The following SULT2A1 variants were observed in gnomAD, a reference collection of about 807,000 sequenced individuals.
SULT2A1 encodes the protein sulfotransferase family 2A member 1.
Under a neutral mutation model 33.9 loss-of-function variants are expected in SULT2A1, and 43 were observed. The observed-to-expected ratio is 1.27, with a 90% CI of 1.00 to 1.64. The LOEUF (loss-of-function observed/expected upper bound fraction) is 1.64, where lower values mean the gene tolerates loss of function less well. SULT2A1 is among the 40% of genes most tolerant of loss of function. The probability of loss-of-function intolerance (pLI) is 0.00; values close to 1 mark genes in which losing one functional copy is unlikely to be tolerated. For missense variants in SULT2A1, 300 were observed against 335.1 expected (o/e 0.90, Z 0.82); for synonymous variants, 125 against 113.6 (o/e 1.10, Z -0.64).
rs62531056 is a variant in SULT2A1 at position 47,874,620 on chromosome 19, T to A, written c.745+37A>T. 2.1e-3 allele frequency: 3,356 copies of A among 1,581,054 alleles called. 94 individuals are homozygous for A. In the Admixed American group the frequency reaches 0.051, roughly 24 times the overall value. On this transcript the variant is annotated intron_variant, in intron 5 of 5. Coordinates refer to ENST00000222002, the MANE Select transcript of SULT2A1 (RefSeq NM_003167.4). ...TGACCATAGGCATGCATGCCGTGTA[T>A]TCTGGTATATTTGGAAACCAGAGGA...
rs754425391 is a variant in SULT2A1 at position 47,882,148 on chromosome 19, G to GT, written c.407dup (p.Asn136LysfsTer6). The GT allele has an allele frequency of 5.0e-6, 8 of 1,613,866 alleles. No individual in the cohort carries two copies. In the Admixed American group the frequency reaches 1.2e-4, roughly 24 times the overall value. On this transcript the variant is annotated frameshift_variant, in exon 3 of 6. Transcript: ENST00000222002. LOFTEE classifies it high-confidence loss of function. ...ACTTTGGTTTCTTAATAAACTTCATGTTTTTCCAGAAAAAATAACCAGACA... is the reference window on the plus strand; with the variant it reads ...ACTTTGGTTTCTTAATAAACTTCATGTTTTTTCCAGAAAAAATAACCAGACA...
chr19:47,874,903 T>G (rs1600030206), intron 4 of SULT2A1, 69 bp from the exon 5 acceptor site: 3 of 1,402,760 alleles, frequency 2.1e-6, no homozygotes, highest in African/African-American at 1.4e-5. Context: ...GGTTCACGCC[T>G]GTAATCCCAG....
chr19:47,873,127 G>A (rs1004457901), intron 5 of SULT2A1, among the ~76,000 whole-genome samples: 8 of 151,822 alleles, frequency 5.3e-5, no homozygotes, highest in East Asian at 1.9e-4. Flanking sequence ...TTTCTTCCAC[G>A]GAGGACTGTC....
At position 47,886,279 on chromosome 19, in the gene SULT2A1, G is replaced by A; in HGVS notation, c.-22C>T. ...ACATGATGATGACCTCTTCCTGCGT[G>A]GTGTGAGGGTTTCAACTGTAGCCAC... On this transcript the variant is annotated 5_prime_UTR_variant, in exon 1 of 6. Coordinates refer to ENST00000222002, the MANE Select transcript of SULT2A1 (RefSeq NM_003167.4). 1 of 1,613,006 alleles carries A rather than the reference G, an allele frequency of 6.2e-7. No individual in the cohort carries two copies.
intron 5 of SULT2A1, 29 bp downstream of exon 5, chr19:47,874,628 T>G: frequency 2.5e-6 from 4 of 1,600,782 alleles, no homozygotes; most frequent in Non-Finnish European, 3.4e-6. Flanking sequence ...TATTCTGGTA[T>G]ATTTGGAAAC....
intron 3 of SULT2A1, among the ~76,000 whole-genome samples, chr19:47,879,877 T>C (rs1011446126): frequency 6.6e-6 from 1 of 151,626 alleles, no homozygotes; most frequent in Non-Finnish European, 1.5e-5. Context: ...TGTATACATA[T>C]GTAACAAACC....
chr19:47,885,278 T>G (rs1378522767), intron 1 of SULT2A1, among the ~76,000 whole-genome samples: 1 of 152,198 alleles, frequency 6.6e-6, no homozygotes, highest in Non-Finnish European at 1.5e-5. Flanking sequence ...CAGCCGCCAG[T>G]GTACTTTCTG....
chr19:47,879,101 G>A lies in SULT2A1; in HGVS notation c.502C>T (p.His168Tyr). Residue 168 changes from histidine to tyrosine, a missense_variant, in exon 4 of 6, where the codon CAT (histidine) becomes TAT (tyrosine). His to Tyr is a moderately conservative substitution (Grantham distance 83). Transcript: ENST00000222002. Reference protein sequence around the residue: ...VLYGSWFDHIHGWMPMREEKN... With the variant: ...VLYGSWFDHIYGWMPMREEKN... ...TCCTCTCTCATGGGCATCCAGCCAT[G>A]AATGTGGTCAAACCATGACCCATAT... 10 of 1,613,800 alleles carry A rather than the reference G, an allele frequency of 6.2e-6. No homozygotes were observed. Among genetic ancestry groups the A allele is most frequent in the Non-Finnish European group, 8.5e-6 (10 of 1,179,740 alleles).
intron 4 of SULT2A1, among the ~76,000 whole-genome samples, chr19:47,875,402 C>T (rs951262623): frequency 1.3e-5 from 2 of 152,006 alleles, no homozygotes; most frequent in African/African-American, 4.8e-5. Context: ...CTTTGGGAGG[C>T]TGAGGCAGGC....
intron 4 of SULT2A1, among the ~76,000 whole-genome samples, chr19:47,876,306 G>C (rs1365682824): frequency 6.6e-6 from 1 of 152,048 alleles, no homozygotes; most frequent in African/African-American, 2.4e-5. Flanking sequence ...GTGAACCACC[G>C]CACCTGGCCA....
intron 2 of SULT2A1, among the ~76,000 whole-genome samples, chr19:47,883,105 G>T (rs1968618316): frequency 6.6e-6 from 1 of 151,994 alleles, no homozygotes; most frequent in Non-Finnish European, 1.5e-5. Flanking sequence ...GACGAAGTGT[G>T]TACAGAGCCC....
intron 5 of SULT2A1, among the ~76,000 whole-genome samples, chr19:47,873,058 G>A (rs1378355639): frequency 6.6e-6 from 1 of 151,888 alleles, no homozygotes; most frequent in Non-Finnish European, 1.5e-5. Context: ...CACCGTACCC[G>A]GCCAACGTTT....
At chr19:47,875,364 G>C (rs1291355129) in intron 4 of SULT2A1, among the ~76,000 whole-genome samples, 1 of 151,798 alleles carries the variant, frequency 6.6e-6, no homozygotes, top group East Asian at 1.9e-4. Context: ...TGGGTTGGGC[G>C]CCGTGGCTCC....
At chr19:47,880,101 A>G (rs1426310585) in intron 3 of SULT2A1, among the ~76,000 whole-genome samples, 1 of 151,538 alleles carries the variant, frequency 6.6e-6, no homozygotes, top group African/African-American at 2.4e-5. Flanking sequence ...GCCGGGTGTG[A>G]TGGCGGGCGC....
In SULT2A1 at chr19:47,882,085, A is replaced by AG; in HGVS notation, c.470dup (p.Val158CysfsTer8). 6.2e-7 allele frequency: 1 copy of AG among 1,613,630 alleles called. No homozygotes were observed. Among genetic ancestry groups the AG allele is most frequent in the Admixed American group, 1.7e-5 (1 of 59,886 alleles). On this transcript the variant is annotated frameshift_variant and splice_region_variant, in exon 3 of 6. Transcript: ENST00000222002. LOFTEE classifies it high-confidence loss of function. ...CCCCATATTTTGTGAAACACTCACC[A>AG]GTTCCTTGACAAAACCATTCAAAAT...
rs576582709 is a variant in SULT2A1 at position 47,874,342 on chromosome 19, C to T, written c.745+315G>A. 2.0e-5 allele frequency among the ~76,000 whole-genome samples: 3 copies of T among 152,076 alleles called. No homozygotes were observed. The South Asian group carries it at 6.2e-4, about 32-fold the overall frequency. The stretch of plus-strand genomic sequence containing the variant: ...GATCACAAGGTCAGGAGATCGAGAC[C>T]AGCCTAGCTAAGATGGTGAAACCAT... On this transcript the variant is annotated intron_variant, in intron 5 of 5. Coordinates refer to ENST00000222002, the MANE Select transcript of SULT2A1 (RefSeq NM_003167.4).
Position 47,879,070 on chromosome 19 carries a change from T to A in SULT2A1, c.533A>T (p.Asn178Ile). The change falls in exon 4 of 6, where the codon AAC becomes ATC. Residue 178 changes from asparagine (N) to isoleucine (I), a missense_variant. By Grantham distance (149) the Asn-to-Ile change is moderately radical. Coordinates refer to ENST00000222002, the MANE Select transcript of SULT2A1 (RefSeq NM_003167.4). ...HGWMPMREEK[N>I]FLLLSYEELK... ...CTCCTCATAACTCAGTAACAGGAAG[T>A]TTTTCTCCTCTCTCATGGGCATCCA... is the stretch of plus-strand genomic sequence containing the variant. The A allele has an allele frequency of 6.2e-7, 1 of 1,613,658 alleles. No individual in the cohort carries two copies. The highest frequency in any genetic ancestry group is 8.5e-7 in the Non-Finnish European group (1 of 1,179,770).
chr19:47,886,044 A>C lies in SULT2A1; in HGVS notation c.136+78T>G, dbSNP rs1342757817. 3.3e-6 allele frequency: 5 copies of C among 1,536,680 alleles called. No individual in the cohort carries two copies. In the African/African-American group the frequency reaches 4.1e-5, roughly 13 times the overall value. ...AAGCATTGTACACTGTCTGACATAA[A>C]GGAAGAACTCCAATCATGCACTGAA... On this transcript the variant is annotated intron_variant, in intron 1 of 5. Transcript: ENST00000222002.
intron 3 of SULT2A1, 39 bp downstream of exon 3, chr19:47,882,045 G>C (rs891137747): frequency 4.4e-6 from 7 of 1,608,808 alleles, no homozygotes; most frequent in Middle Eastern, 1.7e-4. Flanking sequence ...AGGTCGGCTA[G>C]AAGACTCCAA....
Sources: allele counts gnomAD v4.1 joint callset (sites outside exome capture counted in the v4.1 genomes callset), GRCh38; gene constraint gnomAD v4.1.1; transcripts MANE v1.5; gene names NCBI Gene and HGNC (gene_info 2026-07-23, HGNC 2026-07-21).